The following BRPF1 variants were observed in gnomAD, a reference collection of about 807,000 sequenced individuals.
The protein encoded by BRPF1 is peregrin.
In BRPF1, 15 loss-of-function variants were observed where a neutral mutation model predicts 115.0. The observed-to-expected ratio is 0.13, with a 90% CI of 0.09 to 0.20. The LOEUF (loss-of-function observed/expected upper bound fraction) is 0.20. Among genes scored for constraint, BRPF1 ranks in the 10% least tolerant of loss-of-function variants. BRPF1 has a pLI of 1.00. For missense variants in BRPF1, 1,118 were observed against 1,638.3 expected (o/e 0.68, Z 5.48); for synonymous variants, 647 against 619.8 (o/e 1.04, Z -0.65).
intron 2 of BRPF1, among the ~76,000 whole-genome samples, chr3:9,738,058 C>T (rs932013179): frequency 6.6e-6 from 1 of 152,120 alleles, no homozygotes; most frequent in African/African-American, 2.4e-5. Context: ...CCTTTGTACC[C>T]TGTAGTTTAC....
Position 9,743,808 on chromosome 3 carries a change from C to T in BRPF1, c.2542C>T (p.Arg848Trp), listed in dbSNP as rs199878872. Residue 848 changes from arginine (R) to tryptophan (W), a missense_variant, in exon 8 of 14, where the codon CGG (arginine) becomes TGG (tryptophan). Coordinates refer to ENST00000383829, the MANE Select transcript of BRPF1 (RefSeq NM_001003694.2). This position sits in a 1 kb window ranked among gnomAD's most constrained non-coding sequence, Gnocchi z 6.1. ...CCCTGAGCGGCATGGCCCCTCGAGC[C>T]GGGGTAGTCTGACACCCCACCCGGC... ...DGPERHGPSS[R>W]GSLTPHPAAC... 183 of 1,611,266 alleles carry T rather than the reference C, an allele frequency of 1.1e-4. No homozygotes were observed. Among genetic ancestry groups the T allele is most frequent in the Middle Eastern group, 1.7e-4 (1 of 6,044 alleles).
intron 2 of BRPF1, among the ~76,000 whole-genome samples, chr3:9,735,076 GC>G (rs1164771251): frequency 7.0e-6 from 1 of 143,812 alleles, no homozygotes; most frequent in African/African-American, 2.6e-5. Flanking sequence ...TGCCTGGAGT[GC>G]AGTTGGCTCA....
intron 12 of BRPF1, 123 bp downstream of exon 12, chr3:9,746,053 G>T: frequency 8.4e-7 from 1 of 1,190,074 alleles, no homozygotes; most frequent in East Asian, 2.4e-5. Context: ...GTAGACTGGT[G>T]GGCAGATACA....
rs375947301 is a variant in BRPF1 at position 9,734,770 on chromosome 3, A to G, written c.599+31A>G. On this transcript the variant is annotated intron_variant, in intron 2 of 13. Coordinates refer to ENST00000383829, the MANE Select transcript of BRPF1 (RefSeq NM_001003694.2). This position sits in a 1 kb window ranked among gnomAD's most constrained non-coding sequence, Gnocchi z 5.7. ...GCCACCTCTACCTTGCAGCTCTGGA[A>G]AACTGGTCAAGCAGGGCTCACTAGC... The G allele has an allele frequency of 4.3e-6, 7 of 1,609,478 alleles. No individual in the cohort carries two copies. The highest frequency in any genetic ancestry group is 5.9e-6 in the Non-Finnish European group (7 of 1,176,540).
rs1364050172 is a variant in BRPF1, at chr3:9,743,526, GGCCCTGAGGGCT to G, written c.2312-43_2312-32del. On this transcript the variant is annotated intron_variant, in intron 7 of 13. Transcript: ENST00000383829. This position sits in a 1 kb window ranked among gnomAD's most constrained non-coding sequence, Gnocchi z 6.1. ...TCTTGCTGCCTGCCCAGGTTCAAGG[GGCCCTGAGGGCT>G]GCCCTGAGTCTGACCTTTCCCCTCC... 1 of 1,556,910 alleles carries G rather than the reference GGCCCTGAGGGCT, an allele frequency of 6.4e-7. No homozygotes were observed. The highest frequency in any genetic ancestry group is 8.7e-7 in the Non-Finnish European group (1 of 1,147,760).
At position 9,734,069 on chromosome 3, in the gene BRPF1, C is replaced by A. The variant is rs1295334159; in HGVS notation, c.-10-62C>A. 6 of 1,520,186 alleles carry A rather than the reference C, an allele frequency of 3.9e-6. No individual in the cohort carries two copies. Among genetic ancestry groups the A allele is most frequent in the Non-Finnish European group, 4.4e-6 (5 of 1,136,386 alleles). 94.2% of individuals were successfully genotyped at this position (1,520,186 alleles called of 1,614,324 possible). ...GGGGGAGGGCTAGAAAGACTGGGGT[C>A]TCTGGTGCAAATGGCCAGGAACTCA... On this transcript the variant is annotated intron_variant, in intron 1 of 13. Coordinates refer to ENST00000383829, the MANE Select transcript of BRPF1 (RefSeq NM_001003694.2). The surrounding 1 kb of genome is among the most constrained non-coding windows in gnomAD (Gnocchi z 5.7).
chr3:9,744,040 G>A, intron 8 of BRPF1, 139 bp downstream of exon 8: 1 of 1,311,120 alleles, frequency 7.6e-7, no homozygotes. Flanking sequence ...CCCAATCAGG[G>A]GCCTCTTAGC....
In BRPF1 at chr3:9,734,593, T is replaced by G. The variant is rs1477340701; in HGVS notation, c.453T>G (p.His151Gln). 9.9e-6 allele frequency: 16 copies of G among 1,613,802 alleles called. No homozygotes were observed. The Middle Eastern group carries it at 6.6e-4, about 67-fold the overall frequency. Reference protein sequence around the residue: ...TPAATPKSGKHKNKEKRKDSN... With the variant: ...TPAATPKSGKQKNKEKRKDSN... ...CTGCTACTCCCAAGTCAGGCAAACA[T>G]AAGAACAAGGAGAAGCGCAAGGACT... Residue 151 changes from histidine to glutamine, a missense_variant, in exon 2 of 14, where the codon CAT becomes CAG. By Grantham distance (24) the His-to-Gln change is conservative (BLOSUM62 0). This residue lies in a region of BRPF1 where 280 missense variants were observed against 382.8 expected (regional missense o/e 0.73). Coordinates refer to ENST00000383829, the MANE Select transcript of BRPF1 (RefSeq NM_001003694.2). This position sits in a 1 kb window ranked among gnomAD's most constrained non-coding sequence, Gnocchi z 5.7.
chr3:9,746,014 A>T, intron 12 of BRPF1, 84 bp downstream of exon 12: 2 of 1,455,466 alleles, frequency 1.4e-6, no homozygotes, highest in African/African-American at 1.4e-5. Flanking sequence ...CTCCCTGCTG[A>T]GCTGTGGGGC....
At position 9,745,836 on chromosome 3, in the gene BRPF1, G is replaced by T. The variant is rs1352175339; in HGVS notation, c.3230G>T (p.Gly1077Val). 8 of 1,614,108 alleles carry T rather than the reference G, an allele frequency of 5.0e-6. No homozygotes were observed. Among genetic ancestry groups the T allele is most frequent in the Non-Finnish European group, 6.8e-6 (8 of 1,179,992 alleles). Residue 1077 changes from glycine to valine, a missense_variant, in exon 12 of 14, where the codon GGA becomes GTA. Coordinates refer to ENST00000383829, the MANE Select transcript of BRPF1 (RefSeq NM_001003694.2). The surrounding 1 kb of genome is among the most constrained non-coding windows in gnomAD (Gnocchi z 5.1). Reference sequence around the variant, plus strand: ...GTGGTAAGGAAGAGTCTGGGCCGGGGAGCTGGCTGGCTGTCAGAGGATGAG... The same window carrying T: ...GTGGTAAGGAAGAGTCTGGGCCGGGTAGCTGGCTGGCTGTCAGAGGATGAG... ...HSMVRKSLGR[G>V]AGWLSEDEDS...
intron 12 of BRPF1, among the ~76,000 whole-genome samples, 164 bp downstream of exon 12, chr3:9,746,094 G>A (rs967585777): frequency 1.3e-5 from 2 of 152,178 alleles, no homozygotes; most frequent in Non-Finnish European, 1.5e-5. Context: ...CTCCCACTCA[G>A]TTTCTCCATC....
At chr3:9,742,721 A>C (rs1327810091) in intron 6 of BRPF1, among the ~76,000 whole-genome samples, 2 of 152,176 alleles carry the variant, frequency 1.3e-5, no homozygotes, top group Non-Finnish European at 2.9e-5. Flanking sequence ...CAGGAGAGGA[A>C]AAGTAGGCCC....
At chr3:9,740,042 A>G (rs1373724599) in intron 3 of BRPF1, 84 bp downstream of exon 3, 8 of 1,451,242 alleles carry the variant, frequency 5.5e-6, no homozygotes, top group Non-Finnish European at 7.3e-6. Context: ...GTGGAATGGC[A>G]GGGCTGGGCT....
rs774974010 is a variant in BRPF1 at position 9,734,351 on chromosome 3, G to C, written c.211G>C (p.Ala71Pro). 1.9e-6 allele frequency: 3 copies of C among 1,613,970 alleles called. No homozygotes were observed. The highest frequency in any genetic ancestry group is 2.5e-6 in the Non-Finnish European group (3 of 1,180,044). ...GAAAAAGGGGCGCCAGTCACGCCCA[G>C]CCAACAAGCAGTCACCCAGCCCCTC... is the stretch of plus-strand genomic sequence containing the variant. The part of the protein sequence containing the change: ...HKKKGRQSRP[A>P]NKQSPSPSEV... Residue 71 changes from alanine (A) to proline (P), a missense_variant, in exon 2 of 14, where the codon GCC becomes CCC. By Grantham distance (27) the Ala-to-Pro change is conservative. Transcript: ENST00000383829. This position sits in a 1 kb window ranked among gnomAD's most constrained non-coding sequence, Gnocchi z 5.7.
rs775473204 is a variant in BRPF1 at position 9,743,060 on chromosome 3, C to T, written c.2118C>T (p.Ile706=). The T allele has an allele frequency of 5.0e-6, 8 of 1,614,240 alleles. 1 individual carries two copies. Among genetic ancestry groups the T allele is most frequent in the Middle Eastern group, 3.3e-4 (2 of 6,062 alleles). Residue 706 remains isoleucine (I), a synonymous_variant, in exon 7 of 14, where the codon ATC becomes ATT. Coordinates refer to ENST00000383829, the MANE Select transcript of BRPF1 (RefSeq NM_001003694.2). This position sits in a 1 kb window ranked among gnomAD's most constrained non-coding sequence, Gnocchi z 6.1. ...ATTTTGAGGAGGACTTCAACCTCAT[C>T]GTCAGCAACTGCCTCAAGTATAACG... ...FDDFEEDFNL[I]VSNCLKYNAK...
chr3:9,746,056 C>T (rs2077120445), intron 12 of BRPF1, 126 bp downstream of exon 12: 2 of 1,168,834 alleles, frequency 1.7e-6, no homozygotes, highest in South Asian at 1.5e-5. Context: ...GACTGGTGGG[C>T]AGATACAGCT....
intron 2 of BRPF1, 138 bp from the exon 3 acceptor site, chr3:9,738,861 A>G: frequency 1.4e-6 from 1 of 713,020 alleles, no homozygotes; most frequent in Non-Finnish European, 2.2e-6. Flanking sequence ...TAATATCTGG[A>G]GTTAAGGTGA....
chr3:9,740,679 C>A (rs985650138), intron 3 of BRPF1, 100 bp from the exon 4 acceptor site: 3 of 1,433,422 alleles, frequency 2.1e-6, no homozygotes, highest in Non-Finnish European at 2.9e-6. Flanking sequence ...AGATCCTCTC[C>A]CTTCATCCCC....
At chr3:9,746,499 C>A (rs1033176568) in intron 13 of BRPF1, 45 bp downstream of exon 13, 10 of 1,489,746 alleles carry the variant, frequency 6.7e-6, no homozygotes, top group Admixed American at 2.1e-5. Context: ...ACAGATGCAG[C>A]CCTGTGTGGT....
Sources: allele counts gnomAD v4.1 joint callset (sites outside exome capture counted in the v4.1 genomes callset), GRCh38; gene constraint gnomAD v4.1.1; regional missense constraint gnomAD v4.1.1; non-coding constraint Gnocchi (gnomAD v3.1); transcripts MANE v1.5; gene names NCBI Gene and HGNC (gene_info 2026-07-23, HGNC 2026-07-21).